Variants in TTC9 observed in about 807,000 individuals in gnomAD.
TTC9 encodes tetratricopeptide repeat protein 9A.
A neutral mutation model predicts 22.9 loss-of-function variants in TTC9; 13 were observed. The ratio of observed to expected loss-of-function variants is 0.57; its 90% confidence interval spans 0.37 to 0.90. TTC9 has a LOEUF of 0.90. TTC9 is among the 40% of genes least tolerant of loss of function. The pLI, the probability that TTC9 is intolerant of heterozygous loss-of-function variation, is 0.01. For synonymous variants in TTC9, 148 were observed against 133.2 expected (o/e 1.11, Z -0.77); for missense variants, 280 against 291.8 (o/e 0.96, Z 0.29).
Position 70,675,056 on chromosome 14 carries a change from C to T in TTC9, c.*3901C>T, listed in dbSNP as rs1165082033. The T allele has an allele frequency of 1.3e-5, 2 of 152,152 alleles. No homozygotes were observed. The highest frequency in any genetic ancestry group is 4.8e-5 in the African/African-American group (2 of 41,426). 9.4% of individuals were successfully genotyped at this position (152,152 alleles called of 1,614,324 possible). ...CCTAGAGAGTACCCTGTTTCCTGCACCCTAACACTAGGTATCATCACTTAT... is the reference window on the plus strand; with the variant it reads ...CCTAGAGAGTACCCTGTTTCCTGCATCCTAACACTAGGTATCATCACTTAT... On this transcript the variant is annotated 3_prime_UTR_variant, in exon 3 of 3. Coordinates refer to ENST00000256367, the MANE Select transcript of TTC9 (RefSeq NM_015351.2).
chr14:70,651,140 C>G (rs570338916), intron 1 of TTC9, among the ~76,000 whole-genome samples: 1 of 152,304 alleles, frequency 6.6e-6, no homozygotes, highest in Admixed American at 6.5e-5. Flanking sequence ...GCCACCATGT[C>G]CAGCTAACTT....
chr14:70,647,716 C>G (rs1885923992), intron 1 of TTC9, among the ~76,000 whole-genome samples: 1 of 152,194 alleles, frequency 6.6e-6, no homozygotes, highest in Admixed American at 6.5e-5. Flanking sequence ...TCCTCTGTCC[C>G]TGCTCATGCT....
At position 70,667,061 on chromosome 14, in the gene TTC9, T is replaced by C. The variant is rs147250034; in HGVS notation, c.407-503T>C. ...TGTGAGGAAGAATCTGTTCCATGCC[T>C]CTCTGTGAGGTTCTGGTAGCCTCAG... On this transcript the variant is annotated intron_variant, in intron 1 of 2. Coordinates refer to ENST00000256367, the MANE Select transcript of TTC9 (RefSeq NM_015351.2). Among the ~76,000 whole-genome samples the C allele has an allele frequency of 2.4e-3, 366 of 152,352 alleles. 2 individuals are homozygous for C. Among genetic ancestry groups the C allele is most frequent in the Non-Finnish European group, 4.2e-3 (289 of 68,024 alleles).
Position 70,671,514 on chromosome 14 carries a change from C to A in TTC9, c.*359C>A, listed in dbSNP as rs45485793. The A allele has an allele frequency of 7.8e-3, 1,861 of 239,066 alleles. 12 individuals are homozygous for A. Among genetic ancestry groups the A allele is most frequent in the Middle Eastern group, 0.013 (8 of 632 alleles). 14.8% of individuals were successfully genotyped at this position (239,066 alleles called of 1,614,324 possible). A position where few individuals can be genotyped will look rare whatever the true frequency, so the allele number is the denominator to read the frequency against. ...GGCGGAGCCTGGCAAGTGTACCATC[C>A]CACAGGCAGCAGGCACACAGCCCAT... is the stretch of plus-strand genomic sequence containing the variant. On this transcript the variant is annotated 3_prime_UTR_variant, in exon 3 of 3. Transcript: ENST00000256367.
chr14:70,645,927 A>G (rs1374357946), intron 1 of TTC9, among the ~76,000 whole-genome samples: 1 of 152,206 alleles, frequency 6.6e-6, no homozygotes, highest in African/African-American at 2.4e-5. Context: ...TCCAAACAAG[A>G]GGTGGTTATG....
At chr14:70,670,616 T>C (rs1886280214) in intron 2 of TTC9, among the ~76,000 whole-genome samples, 1 of 151,804 alleles carries the variant, frequency 6.6e-6, no homozygotes, top group African/African-American at 2.4e-5. Context: ...ACCACTACAC[T>C]CCAGCCTGGG....
At chr14:70,651,646 G>GC (rs895155451) in intron 1 of TTC9, among the ~76,000 whole-genome samples, 3 of 152,174 alleles carry the variant, frequency 2.0e-5, no homozygotes, top group African/African-American at 7.2e-5. Context: ...GTAGGAGCAT[G>GC]CCCCCTAGAC....
intron 1 of TTC9, among the ~76,000 whole-genome samples, chr14:70,642,932 C>T (rs1046479566): frequency 6.6e-6 from 1 of 152,232 alleles, no homozygotes; most frequent in African/African-American, 2.4e-5. Flanking sequence ...ACGCACCTGT[C>T]TGCTCTCCTT....
At chr14:70,650,076 A>T (rs1173035908) in intron 1 of TTC9, among the ~76,000 whole-genome samples, 2 of 152,106 alleles carry the variant, frequency 1.3e-5, no homozygotes, top group Admixed American at 1.3e-4. Flanking sequence ...TCCAGTTAAG[A>T]GGTCTTGAGA....
intron 1 of TTC9, among the ~76,000 whole-genome samples, chr14:70,660,563 C>T (rs1473476809): frequency 6.6e-6 from 1 of 152,184 alleles, no homozygotes; most frequent in African/African-American, 2.4e-5. Flanking sequence ...TCATCATAAG[C>T]GTTCCCCCAA....
At chr14:70,670,519 G>A (rs894192870) in intron 2 of TTC9, among the ~76,000 whole-genome samples, 6 of 152,120 alleles carry the variant, frequency 3.9e-5, no homozygotes, top group East Asian at 3.9e-4. Context: ...TTAGCTGGGC[G>A]CAGTGGGATG....
chr14:70,649,725 A>T (rs1173735858), intron 1 of TTC9, among the ~76,000 whole-genome samples: 2 of 152,214 alleles, frequency 1.3e-5, no homozygotes, highest in African/African-American at 4.8e-5. Flanking sequence ...TCATCTCTGT[A>T]GCAAAGACAA....
Position 70,642,294 on chromosome 14 carries a change from A to C in TTC9, c.165A>C (p.Arg55=), listed in dbSNP as rs1885826760. The change falls in exon 1 of 3, where the codon CGA becomes CGC. Residue 55 remains arginine (R), a synonymous_variant. Coordinates refer to ENST00000256367, the MANE Select transcript of TTC9 (RefSeq NM_015351.2). ...GAAAEPAELI[R]RAHEFKSQGA... is the part of the protein sequence containing the mutation. ...CGGCCGAGCCGGCCGAGCTCATCCG[A>C]CGAGCGCACGAGTTCAAAAGCCAAG... 6.5e-7 allele frequency: 1 copy of C among 1,537,780 alleles called. No individual in the cohort carries two copies. Among genetic ancestry groups the C allele is most frequent in the South Asian group, 1.2e-5 (1 of 83,634 alleles).
intron 1 of TTC9, among the ~76,000 whole-genome samples, chr14:70,653,888 G>A (rs1017442040): frequency 3.9e-5 from 6 of 152,230 alleles, no homozygotes; most frequent in African/African-American, 1.4e-4. Flanking sequence ...GGTGGGAAGA[G>A]AAACAGAGGA....
At chr14:70,661,195 A>G (rs1886140815) in intron 1 of TTC9, among the ~76,000 whole-genome samples, 1 of 150,180 alleles carries the variant, frequency 6.7e-6, no homozygotes, top group Non-Finnish European at 1.5e-5. Flanking sequence ...TCATCTTTCC[A>G]CTCTGTATCT....
intron 1 of TTC9, among the ~76,000 whole-genome samples, chr14:70,648,263 G>T (rs1359141075): frequency 4.6e-5 from 7 of 152,190 alleles, no homozygotes; most frequent in Admixed American, 1.3e-4. Flanking sequence ...CAAGTAAATG[G>T]GGCTTGTAAT....
chr14:70,647,793 A>G (rs1885924967), intron 1 of TTC9, among the ~76,000 whole-genome samples: 1 of 152,238 alleles, frequency 6.6e-6, no homozygotes, highest in African/African-American at 2.4e-5. Context: ...AAGAATTTCA[A>G]GAAGGCAATA....
At chr14:70,670,872 C>T (rs563984396) in intron 2 of TTC9, among the ~76,000 whole-genome samples, 1 of 151,982 alleles carries the variant, frequency 6.6e-6, no homozygotes, top group Admixed American at 6.6e-5. Flanking sequence ...GTCATGCCAA[C>T]CTGTCCACAT....
intron 2 of TTC9, 90 bp from the exon 3 acceptor site, chr14:70,670,986 A>G: frequency 7.8e-7 from 1 of 1,280,860 alleles, no homozygotes. Flanking sequence ...GGCCTGTTGG[A>G]TGTCTGCAGA....
Sources: gnomAD v4.1 joint callset for allele counts (sites outside exome capture counted in the v4.1 genomes callset) on GRCh38, gnomAD v4.1.1 for gene constraint, MANE v1.5 for transcripts, NCBI Gene and HGNC (gene_info 2026-07-23, HGNC 2026-07-21) for gene names.